Variants in ADARB2 observed in about 807,000 individuals in gnomAD.
ADARB2 encodes the protein inactive double-stranded RNA-specific editase B2.
Under a neutral mutation model 62.2 loss-of-function variants are expected in ADARB2, and 25 were observed. The ratio of observed to expected loss-of-function variants is 0.40; its 90% CI spans 0.29 to 0.56. The LOEUF is 0.56. Among genes scored for constraint, ADARB2 ranks in the 20% least tolerant of loss-of-function variants. ADARB2 has a pLI of 0.43. For missense variants in ADARB2, 1,071 were observed against 1,077.4 expected (o/e 0.99, Z 0.08); for synonymous variants, 572 against 500.8 (o/e 1.14, Z -1.90).
chr10:1,585,613 C>T (rs377055487), intron 1 of ADARB2, among the ~76,000 whole-genome samples: 15 of 152,172 alleles, frequency 9.9e-5, no homozygotes, highest in African/African-American at 2.4e-4. Context: ...ATTGTGTATT[C>T]GGTGAAAAGC....
At chr10:1,185,111 C>T (rs1162087310) in intron 8 of ADARB2, 72 bp from the exon 9 acceptor site, 52 of 1,520,746 alleles carry the variant, frequency 3.4e-5, no homozygotes, top group East Asian at 7.0e-5. Context: ...AGGGCAGCTG[C>T]GGGGAAATGG....
rs555896253 is a variant in ADARB2, at chr10:1,275,257, C to T, written c.1078-4188G>A. ...CAGCTTTCTTCTAGAGTGACAAGGG[C>T]CCCTGGCTGGTAGAGATGGCCTTGA... On this transcript the variant is annotated intron_variant, in intron 3 of 9. Coordinates refer to ENST00000381312, the MANE Select transcript of ADARB2 (RefSeq NM_018702.4). 3.9e-5 allele frequency among the ~76,000 whole-genome samples: 6 copies of T among 152,318 alleles called. No homozygotes were observed. The East Asian group carries it at 1.2e-3, about 29-fold the overall frequency.
intron 5 of ADARB2, chr10:1,240,402 T>C (rs1350644870): frequency 2.0e-5 from 3 of 152,586 alleles, no homozygotes; most frequent in Admixed American, 6.5e-5. Context: ...CCGGTCTTGC[T>C]GTTTTCACAC....
At chr10:1,706,763 C>A (rs1358365497) in intron 1 of ADARB2, among the ~76,000 whole-genome samples, 1 of 152,168 alleles carries the variant, frequency 6.6e-6, no homozygotes, top group Non-Finnish European at 1.5e-5. Flanking sequence ...TAAATAAACA[C>A]ACATTGACGT....
At chr10:1,478,964 G>A (rs1242206695) in intron 1 of ADARB2, among the ~76,000 whole-genome samples, 1 of 152,170 alleles carries the variant, frequency 6.6e-6, no homozygotes. Context: ...AAACAGATGG[G>A]TCTTCACCAA....
chr10:1,457,440 G>T (rs571079509), intron 1 of ADARB2, among the ~76,000 whole-genome samples: 1 of 152,260 alleles, frequency 6.6e-6, no homozygotes, highest in East Asian at 1.9e-4. Flanking sequence ...CCCAGCTGTG[G>T]GTGGAAGGTG....
intron 1 of ADARB2, among the ~76,000 whole-genome samples, chr10:1,629,594 C>A (rs1001999615): frequency 6.9e-6 from 1 of 145,884 alleles, no homozygotes; most frequent in Non-Finnish European, 1.5e-5. Context: ...CAGGTCGTCA[C>A]AAAGGCCGGG....
intron 3 of ADARB2, among the ~76,000 whole-genome samples, chr10:1,355,016 C>T (rs1832181228): frequency 6.6e-6 from 1 of 152,184 alleles, no homozygotes. Flanking sequence ...CAGCTTGCAC[C>T]TCCCTGAGGG....
chr10:1,301,677 C>G (rs1239093379), intron 3 of ADARB2, among the ~76,000 whole-genome samples: 1 of 152,102 alleles, frequency 6.6e-6, no homozygotes, highest in Non-Finnish European at 1.5e-5. Context: ...ACCAGGCATC[C>G]CTGAGAAATC....
In ADARB2 at chr10:1,704,906, T is replaced by G. The variant is rs1025361574; in HGVS notation, c.100+32145A>C. Among the ~76,000 whole-genome samples the G allele has an allele frequency of 6.6e-6, 1 of 151,896 alleles. No individual in the cohort carries two copies. Among genetic ancestry groups the G allele is most frequent in the South Asian group, 2.1e-4 (1 of 4,814 alleles). ...GTTTATCATTTGAGCAGGAAAAGGG[T>G]GCAGGGGAGACCATGAGGGCGTGGG... On this transcript the variant is annotated intron_variant, in intron 1 of 9. Transcript: ENST00000381312. The surrounding 1 kb of genome is among the most constrained non-coding windows in gnomAD (Gnocchi z 5.6).
intron 1 of ADARB2, among the ~76,000 whole-genome samples, chr10:1,498,415 T>A (rs1004367214): frequency 6.6e-6 from 1 of 151,706 alleles, no homozygotes; most frequent in Non-Finnish European, 1.5e-5. Flanking sequence ...AATAAGTAAT[T>A]TTTTTAAAAA....
intron 8 of ADARB2, among the ~76,000 whole-genome samples, chr10:1,193,274 C>T (rs1287009798): frequency 6.6e-6 from 1 of 152,166 alleles, no homozygotes; most frequent in East Asian, 1.9e-4. Flanking sequence ...GGATGGACGA[C>T]CGCTCAGGTT....
intron 1 of ADARB2, among the ~76,000 whole-genome samples, chr10:1,623,106 A>C (rs1833726310): frequency 6.6e-6 from 1 of 152,192 alleles, no homozygotes; most frequent in Admixed American, 6.5e-5. Flanking sequence ...ATTTATACAA[A>C]ATCTCCAAAA....
At chr10:1,540,295 G>A (rs779940540) in intron 1 of ADARB2, among the ~76,000 whole-genome samples, 1 of 151,492 alleles carries the variant, frequency 6.6e-6, no homozygotes, top group Middle Eastern at 3.4e-3. Flanking sequence ...ACGTGGTCAG[G>A]AGGAGAATGA....
At chr10:1,491,449 G>A (rs77711391) in intron 1 of ADARB2, among the ~76,000 whole-genome samples, 2,886 of 152,228 alleles carry the variant, frequency 0.019, 75 homozygotes, top group African/African-American at 0.066. Context: ...TAGCATTTGT[G>A]TGCCTACAGA....
intron 1 of ADARB2, among the ~76,000 whole-genome samples, chr10:1,544,956 T>TATACAAACACACACACACACAC (rs10526252): frequency 7.5e-6 from 1 of 133,848 alleles, no homozygotes; most frequent in Admixed American, 7.6e-5. Flanking sequence ...TAGCAAAGTA[T>TATACAAACACACACACACACAC]ACACACACAC....
intron 1 of ADARB2, among the ~76,000 whole-genome samples, chr10:1,670,965 A>G (rs116021247): frequency 6.6e-6 from 1 of 152,340 alleles, no homozygotes; most frequent in African/African-American, 2.4e-5. Context: ...TTACACATCT[A>G]TTGAGTGAGT....
At chr10:1,456,828 A>G (rs1373348411) in intron 1 of ADARB2, among the ~76,000 whole-genome samples, 1 of 152,080 alleles carries the variant, frequency 6.6e-6, no homozygotes, top group Non-Finnish European at 1.5e-5. Context: ...AGAGTCTCGC[A>G]CTGTTGCTGG....
chr10:1,453,758 C>T (rs1245173764), intron 1 of ADARB2, among the ~76,000 whole-genome samples: 6 of 152,074 alleles, frequency 3.9e-5, no homozygotes, highest in South Asian at 2.1e-4. Flanking sequence ...AGAAGCTCAA[C>T]GTCACTAATC....
Sources: allele counts gnomAD v4.1 joint callset (sites outside exome capture counted in the v4.1 genomes callset), GRCh38; gene constraint gnomAD v4.1.1; non-coding constraint Gnocchi (gnomAD v3.1); transcripts MANE v1.5; gene names NCBI Gene and HGNC (gene_info 2026-07-23, HGNC 2026-07-21).